The following PCDH15 variants were observed in gnomAD, a reference collection of about 807,000 sequenced individuals.
The protein encoded by PCDH15 is protocadherin related 15.
A neutral mutation model predicts 178.5 loss-of-function variants in PCDH15; 129 were observed. The observed-to-expected ratio is 0.72, with a 90% CI of 0.63 to 0.84. The LOEUF (loss-of-function observed/expected upper bound fraction) is 0.84, where lower values mean the gene tolerates loss of function less well. Among genes scored for constraint, PCDH15 ranks in the 40% least tolerant of loss-of-function variants. The pLI is 0.00. For missense variants in PCDH15, 2,230 were observed against 2,099.9 expected (o/e 1.06, Z -1.21); for synonymous variants, 800 against 732.0 (o/e 1.09, Z -1.50).
At chr10:54,358,000 T>A (rs1945322039) in intron 5 of PCDH15, among the ~76,000 whole-genome samples, 1 of 151,700 alleles carries the variant, frequency 6.6e-6, no homozygotes, top group Non-Finnish European at 1.5e-5. Context: ...TTACACCTTA[T>A]ACAAAAATTA....
At chr10:55,600,377 AT>A (rs2132143446) in intron 2 of PCDH15, among the ~76,000 whole-genome samples, 1 of 150,410 alleles carries the variant, frequency 6.6e-6, no homozygotes, top group East Asian at 2.0e-4. Flanking sequence ...AAAAAAAAAA[AT>A]TGGTTGGGGT....
intron 1 of PCDH15, among the ~76,000 whole-genome samples, chr10:55,298,528 G>C (rs943012082): frequency 6.6e-6 from 1 of 152,094 alleles, no homozygotes; most frequent in African/African-American, 2.4e-5. Context: ...ACAGTTAATG[G>C]AAAGAGAAAC....
chr10:54,937,254 A>G (rs1303213826), intron 2 of PCDH15, among the ~76,000 whole-genome samples: 1 of 151,824 alleles, frequency 6.6e-6, no homozygotes, highest in African/African-American at 2.4e-5. Context: ...AGTCCTTTAA[A>G]TGTGTTATTC....
At chr10:54,246,074 T>G (rs2055890910) in intron 8 of PCDH15, among the ~76,000 whole-genome samples, 3 of 151,992 alleles carry the variant, frequency 2.0e-5, no homozygotes, top group Non-Finnish European at 1.5e-5. Context: ...GAGCTTCATC[T>G]TACATAAATA....
At chr10:54,350,305 T>G (rs1014879170) in intron 5 of PCDH15, among the ~76,000 whole-genome samples, 6 of 152,154 alleles carry the variant, frequency 3.9e-5, no homozygotes, top group Admixed American at 1.3e-4. Flanking sequence ...GGCTCAGGAA[T>G]TGTCCCAAGG....
At chr10:54,624,387 T>C (rs952959734) in intron 2 of PCDH15, among the ~76,000 whole-genome samples, 2 of 152,212 alleles carry the variant, frequency 1.3e-5, no homozygotes, top group Non-Finnish European at 2.9e-5. Context: ...TTGAATTTGT[T>C]ACCTGATCCC....
At chr10:53,888,712 G>T (rs2081353703) in intron 26 of PCDH15, among the ~76,000 whole-genome samples, 1 of 52,264 alleles carries the variant, frequency 1.9e-5, no homozygotes, top group Non-Finnish European at 4.4e-5. Flanking sequence ...TATCTCCTGT[G>T]GAAATTGATA....
intron 2 of PCDH15, among the ~76,000 whole-genome samples, chr10:54,652,872 ATC>A (rs1359117215): frequency 6.6e-6 from 1 of 152,216 alleles, no homozygotes; most frequent in African/African-American, 2.4e-5. Context: ...GACAACTTTT[ATC>A]TCTGTTTCCA....
intron 2 of PCDH15, among the ~76,000 whole-genome samples, chr10:55,016,095 TTTTAA>T (rs1371818146): frequency 2.1e-4 from 13 of 60,726 alleles, no homozygotes; most frequent in African/African-American, 6.0e-4. Context: ...GACCTTTTTT[TTTTAA>T]AAAAAAAAAA....
At chr10:55,592,972 C>T (rs1392005153) in intron 2 of PCDH15, among the ~76,000 whole-genome samples, 2 of 151,948 alleles carry the variant, frequency 1.3e-5, no homozygotes, top group African/African-American at 4.8e-5. Context: ...AATACTACTT[C>T]TAAAGTGTAT....
At chr10:54,606,324 G>C (rs1713005889) in intron 2 of PCDH15, 2 of 152,106 alleles carry the variant, frequency 1.3e-5, no homozygotes, top group South Asian at 4.1e-4. Flanking sequence ...TGAGAGGTGA[G>C]AATTGCTGCC....
intron 1 of PCDH15, among the ~76,000 whole-genome samples, chr10:54,736,007 A>C (rs1944065302): frequency 6.6e-6 from 1 of 151,530 alleles, no homozygotes; most frequent in African/African-American, 2.4e-5. Context: ...CCTAAAACTT[A>C]AAGTATAATT....
At chr10:55,618,559 C>T (rs1843524491) in intron 2 of PCDH15, among the ~76,000 whole-genome samples, 1 of 151,988 alleles carries the variant, frequency 6.6e-6, no homozygotes, top group Non-Finnish European at 1.5e-5. Flanking sequence ...TACTCTTCCC[C>T]AAAACACTTG....
chr10:54,604,575 T>C (rs1197561782), intron 2 of PCDH15, among the ~76,000 whole-genome samples: 1 of 152,036 alleles, frequency 6.6e-6, no homozygotes, highest in Non-Finnish European at 1.5e-5. Context: ...TTGTCTAATG[T>C]AAGTATAGCC....
chr10:54,503,992 A>C (rs1477273540), intron 3 of PCDH15, among the ~76,000 whole-genome samples: 1 of 152,026 alleles, frequency 6.6e-6, no homozygotes. Flanking sequence ...CAATCCTAAA[A>C]TCTCACTTCA....
intron 30 of PCDH15, among the ~76,000 whole-genome samples, chr10:53,830,919 C>A (rs558917146): frequency 1.3e-5 from 2 of 152,168 alleles, no homozygotes; most frequent in Non-Finnish European, 1.5e-5. Flanking sequence ...GACAATGTCG[C>A]GAAGTTATTG....
chr10:54,034,563 G>A (rs1478253701), intron 18 of PCDH15, among the ~76,000 whole-genome samples: 2 of 151,832 alleles, frequency 1.3e-5, no homozygotes, highest in Admixed American at 1.3e-4. Flanking sequence ...ATTTAAATTA[G>A]GAAAACAGAA....
chr10:54,550,679 T>A (rs1243969850), intron 2 of PCDH15, among the ~76,000 whole-genome samples: 1 of 152,226 alleles, frequency 6.6e-6, no homozygotes. Flanking sequence ...AAATGTTAGA[T>A]AACTAAATTA....
chr10:53,946,573 CT>C (rs1325472923), intron 23 of PCDH15, among the ~76,000 whole-genome samples: 1 of 152,116 alleles, frequency 6.6e-6, no homozygotes, highest in Non-Finnish European at 1.5e-5. Context: ...TCTCATTTCA[CT>C]TTATTGCTGA....
Sources: gnomAD v4.1 joint callset for allele counts (sites outside exome capture counted in the v4.1 genomes callset) on GRCh38, gnomAD v4.1.1 for gene constraint, MANE v1.5 for transcripts, NCBI Gene and HGNC (gene_info 2026-07-23, HGNC 2026-07-21) for gene names.